Variants in CARM1 observed in about 807,000 individuals in gnomAD.
The protein encoded by CARM1 is histone-arginine methyltransferase CARM1.
A neutral mutation model predicts 72.7 loss-of-function variants in CARM1; 14 were observed. The observed-to-expected ratio is 0.19, with a 90% CI of 0.13 to 0.30. CARM1 has a LOEUF of 0.30. Ranked by LOEUF, CARM1 falls within the 10% of genes least tolerant of loss-of-function variation. The pLI, the probability that CARM1 is intolerant of heterozygous loss-of-function variation, is 1.00. For synonymous variants in CARM1, 333 were observed against 345.5 expected, an observed-to-expected ratio of 0.96 and a Z score of 0.40; for missense variants, 432 against 833.7, an observed-to-expected ratio of 0.52 and a Z score of 5.93.
In CARM1 at chr19:10,921,856, A is replaced by G; in HGVS notation, c.*99A>G. 3.5e-6 allele frequency: 4 copies of G among 1,146,606 alleles called. No homozygotes were observed. Among genetic ancestry groups the G allele is most frequent in the Non-Finnish European group, 4.9e-6 (4 of 811,158 alleles). The allele number at this position is 1,146,606 out of a possible 1,614,324, so 71.0% of individuals were successfully genotyped here. On this transcript the variant is annotated 3_prime_UTR_variant, in exon 16 of 16. Transcript: ENST00000327064. ...TCCCCCTTGTACTGGAGAAGCTCGA[A>G]CACCCGGTCACAGCTCTCTTTGCTA...
chr19:10,897,445 A>AAGC (rs1286707446), intron 1 of CARM1, among the ~76,000 whole-genome samples: 3 of 152,040 alleles, frequency 2.0e-5, no homozygotes, highest in Non-Finnish European at 4.4e-5. Flanking sequence ...GCTTCCTGGG[A>AAGC]AGCAAGAAAG....
At chr19:10,895,148 A>G (rs563588572) in intron 1 of CARM1, among the ~76,000 whole-genome samples, 67 of 152,110 alleles carry the variant, frequency 4.4e-4, no homozygotes, top group Middle Eastern at 6.8e-3. Context: ...TCTATCACCC[A>G]GGCTGGAGGG....
chr19:10,914,727 TG>T (rs1196689988), intron 6 of CARM1, among the ~76,000 whole-genome samples: 1 of 152,202 alleles, frequency 6.6e-6, no homozygotes, highest in Non-Finnish European at 1.5e-5. Flanking sequence ...AGCTAAGTTT[TG>T]TATTTTTAGT....
chr19:10,920,303 C>G lies in CARM1; in HGVS notation c.1197-133C>G, dbSNP rs2074231460. 4.7e-6 allele frequency: 5 copies of G among 1,070,828 alleles called. No homozygotes were observed. Among genetic ancestry groups the G allele is most frequent in the African/African-American group, 1.6e-5 (1 of 62,616 alleles). The allele number at this position is 1,070,828 out of a possible 1,614,324, so 66.3% of individuals were successfully genotyped here. A position where few individuals can be genotyped will look rare whatever the true frequency, so the allele number is the denominator to read the frequency against. ...TGTCTGGGACTGCCTGGGGGCCAGC[C>G]TGTCTCTGCTCCAGGGTCCCAGGGG... is the stretch of plus-strand genomic sequence containing the variant. On this transcript the variant is annotated intron_variant, in intron 10 of 15. Transcript: ENST00000327064. The surrounding 1 kb of genome is among the most constrained non-coding windows in gnomAD (Gnocchi z 5.3).
rs771934231 is a variant in CARM1, at chr19:10,913,912, C to T, written c.705C>T (p.Ile235=). Residue 235 remains isoleucine, a synonymous_variant, in exon 6 of 16, where the codon ATC becomes ATT. Transcript: ENST00000327064. ...LVKSNNLTDR[I]VVIPGKVEEV... ...AGAGTAACAACCTGACGGACCGCATCGTGGTCATCCCGGGCAAGGTGGAGG... is the reference window on the plus strand; with the variant it reads ...AGAGTAACAACCTGACGGACCGCATTGTGGTCATCCCGGGCAAGGTGGAGG... 23 of 1,613,518 alleles carry T rather than the reference C, an allele frequency of 1.4e-5. No homozygotes were observed. In the Admixed American group the frequency reaches 2.2e-4, roughly 15 times the overall value.
intron 1 of CARM1, among the ~76,000 whole-genome samples, chr19:10,872,264 C>T (rs1472517733): frequency 1.8e-5 from 1 of 55,686 alleles, no homozygotes; most frequent in Non-Finnish European, 3.4e-5. Context: ...TGGGCTTAAG[C>T]GTGGGGGAGG....
chr19:10,889,466 C>T (rs1271412529), intron 1 of CARM1, among the ~76,000 whole-genome samples: 2 of 151,380 alleles, frequency 1.3e-5, no homozygotes, highest in Admixed American at 1.3e-4. Context: ...AGGTGTTCAC[C>T]ACCATGCCCG....
At chr19:10,921,472 T>G (rs77906230) in intron 15 of CARM1, 29 bp downstream of exon 15, 2 of 1,590,952 alleles carry the variant, frequency 1.3e-6, no homozygotes, top group East Asian at 2.2e-5. Flanking sequence ...GCAGGGCCCG[T>G]GGGGGCCGAG....
At position 10,903,238 on chromosome 19, in the gene CARM1, G is replaced by A. The variant is rs115798613; in HGVS notation, c.221-1713G>A. Among the ~76,000 whole-genome samples the A allele has an allele frequency of 2.0e-3, 304 of 152,254 alleles. 1 individual carries two copies. Among genetic ancestry groups the A allele is most frequent in the African/African-American group, 7.1e-3 (294 of 41,554 alleles). On this transcript the variant is annotated intron_variant, in intron 1 of 15. Coordinates refer to ENST00000327064, the MANE Select transcript of CARM1 (RefSeq NM_199141.2). Reference sequence around the variant, plus strand: ...GATCTGTGTCTCCTTTCTTTTGCCAGTACCACTACACTGTTTTCATTACTG... The same window carrying A: ...GATCTGTGTCTCCTTTCTTTTGCCAATACCACTACACTGTTTTCATTACTG...
Position 10,921,611 on chromosome 19 carries a change from ACAGGGTCCT to A in CARM1, c.1685-2_1691del. 1 of 1,608,922 alleles carries A rather than the reference ACAGGGTCCT, an allele frequency of 6.2e-7. No individual in the cohort carries two copies. Among genetic ancestry groups the A allele is most frequent in the Non-Finnish European group, 8.5e-7 (1 of 1,176,834 alleles). On this transcript the variant is annotated splice_acceptor_variant and splice_polypyrimidine_tract_variant and coding_sequence_variant and intron_variant, in exon 16 of 16. Coordinates refer to ENST00000327064, the MANE Select transcript of CARM1 (RefSeq NM_199141.2). LOFTEE classifies it high-confidence loss of function. ...GCCCCTCACTGCCATTGCCTGCTCC[ACAGGGTCCT>A]CCGGCGCCCAGGGCAGTGGTGGTGG...
chr19:10,897,130 A>G (rs1461306365), intron 1 of CARM1, among the ~76,000 whole-genome samples: 1 of 152,208 alleles, frequency 6.6e-6, no homozygotes, highest in African/African-American at 2.4e-5. Context: ...GGAAGCGCAG[A>G]GACATTGGGT....
chr19:10,908,836 T>C, intron 3 of CARM1: 1 of 348,462 alleles, frequency 2.9e-6, no homozygotes, highest in Non-Finnish European at 5.4e-6. Context: ...GTGGCAAATC[T>C]TGAGTTCTCC....
At chr19:10,887,869 GC>G (rs1229625481) in intron 1 of CARM1, among the ~76,000 whole-genome samples, 1 of 152,060 alleles carries the variant, frequency 6.6e-6, no homozygotes, top group African/African-American at 2.4e-5. Context: ...TCTCTGGAGC[GC>G]CCCCCTGTAC....
rs1448162890 is a variant in CARM1 at position 10,871,622 on chromosome 19, G to GGCGGCGGCGGCGGCGGCA, written c.-69_-52dup. ...CGGCGGCGGCGGCGGCGGCGGCGGC[G>GGCGGCGGCGGCGGCGGCA]GCGGCGGCGGCGGCGGCAGCGGCGG... On this transcript the variant is annotated 5_prime_UTR_variant, in exon 1 of 16. Transcript: ENST00000327064. This position sits in a 1 kb window ranked among gnomAD's most constrained non-coding sequence, Gnocchi z 5.6. 7 of 156,578 alleles carry GGCGGCGGCGGCGGCGGCA rather than the reference G, an allele frequency of 4.5e-5. No individual in the cohort carries two copies. The highest frequency in any genetic ancestry group is 9.2e-5 in the African/African-American group (3 of 32,750). The allele number at this position is 156,578 out of a possible 1,614,324, so 9.7% of individuals were successfully genotyped here. A position where few individuals can be genotyped will look rare whatever the true frequency, so the allele number is the denominator to read the frequency against.
chr19:10,911,996 TCTC>T (rs1351806266), intron 4 of CARM1, among the ~76,000 whole-genome samples, 185 bp from the exon 5 acceptor site: 1 of 152,156 alleles, frequency 6.6e-6, no homozygotes, highest in African/African-American at 2.4e-5. Flanking sequence ...CCCCAGGGCT[TCTC>T]CTCCCGGAGG....
chr19:10,908,770 T>A (rs1450516234), intron 3 of CARM1: 2 of 258,584 alleles, frequency 7.7e-6, no homozygotes, highest in Non-Finnish European at 1.5e-5. Context: ...CTGCTTCTCT[T>A]CTTCTTTGGG....
chr19:10,872,185 G>C (rs996209103), intron 1 of CARM1, among the ~76,000 whole-genome samples: 3 of 152,116 alleles, frequency 2.0e-5, no homozygotes, highest in Admixed American at 1.3e-4. Context: ...CCTGAGATTT[G>C]GGAGGGGTGG....
intron 4 of CARM1, among the ~76,000 whole-genome samples, chr19:10,910,498 A>C (rs1024541472): frequency 6.6e-6 from 1 of 151,696 alleles, no homozygotes; most frequent in Admixed American, 6.6e-5. Context: ...AAAAGTAGAA[A>C]TGTATAATGT....
At chr19:10,907,800 C>G (rs1365335972) in intron 2 of CARM1, among the ~76,000 whole-genome samples, 1 of 152,236 alleles carries the variant, frequency 6.6e-6, no homozygotes. Flanking sequence ...TCCCACCAGA[C>G]AGCAGCCCCA....
Sources: allele counts gnomAD v4.1 joint callset (sites outside exome capture counted in the v4.1 genomes callset), GRCh38; gene constraint gnomAD v4.1.1; non-coding constraint Gnocchi (gnomAD v3.1); transcripts MANE v1.5; gene names NCBI Gene and HGNC (gene_info 2026-07-23, HGNC 2026-07-21).